Variants in GSK3B observed in about 807,000 individuals in gnomAD.
GSK3B encodes glycogen synthase kinase-3 beta.
Under a neutral mutation model 56.4 loss-of-function variants are expected in GSK3B, and 15 were observed. The observed-to-expected ratio is 0.27, with a 90% CI of 0.18 to 0.41. The LOEUF is 0.41. Among genes scored for constraint, GSK3B ranks in the 10% least tolerant of loss-of-function variants. GSK3B has a pLI of 1.00. For missense variants in GSK3B, 300 were observed against 513.4 expected (o/e 0.58, Z 4.02); for synonymous variants, 181 against 188.9 (o/e 0.96, Z 0.34).
intron 1 of GSK3B, among the ~76,000 whole-genome samples, chr3:120,050,022 C>T (rs551219507): frequency 1.3e-5 from 2 of 152,292 alleles, no homozygotes; most frequent in South Asian, 2.1e-4. Flanking sequence ...ATTTAAAGGG[C>T]ATGGCCCTGG....
chr3:119,922,032 G>C (rs1294244048), intron 4 of GSK3B, among the ~76,000 whole-genome samples: 1 of 152,058 alleles, frequency 6.6e-6, no homozygotes, highest in African/African-American at 2.4e-5. Context: ...AGCTACTTGG[G>C]AGGCTGAGGC....
intron 9 of GSK3B, among the ~76,000 whole-genome samples, chr3:119,850,470 A>C (rs1350129206): frequency 6.6e-6 from 1 of 152,206 alleles, no homozygotes; most frequent in African/African-American, 2.4e-5. Flanking sequence ...CCTGTGAGGA[A>C]GCCTCCTTGC....
At chr3:119,845,400 G>GTA (rs2108013767) in intron 9 of GSK3B, among the ~76,000 whole-genome samples, 1 of 152,340 alleles carries the variant, frequency 6.6e-6, no homozygotes, top group East Asian at 1.9e-4. Context: ...TGACATGACT[G>GTA]TATATTTAGA....
rs113971589 is a variant in GSK3B at position 119,833,684 on chromosome 3, T to C, written c.1196-6829A>G. ...ACTTTATAAGTACACTTGGAAACAT[T>C]AGGTTGTTTTTTTTTTTTTTTTTTT... On this transcript the variant is annotated intron_variant, in intron 10 of 10. Transcript: ENST00000264235. 3.8e-3 allele frequency among the ~76,000 whole-genome samples: 561 copies of C among 149,306 alleles called. 1 individual carries two copies. Among genetic ancestry groups the C allele is most frequent in the Non-Finnish European group, 5.7e-3 (383 of 67,596 alleles).
intron 4 of GSK3B, among the ~76,000 whole-genome samples, chr3:119,917,397 T>C (rs1458502606): frequency 6.6e-6 from 1 of 152,166 alleles, no homozygotes; most frequent in African/African-American, 2.4e-5. Context: ...AAGGTCAGCA[T>C]TTTGCCAACA....
At chr3:120,037,223 T>C (rs528064862) in intron 1 of GSK3B, among the ~76,000 whole-genome samples, 1 of 152,360 alleles carries the variant, frequency 6.6e-6, no homozygotes, top group African/African-American at 2.4e-5. Flanking sequence ...GGCCTTCCAG[T>C]TCTAACTTTA....
intron 4 of GSK3B, 121 bp downstream of exon 4, chr3:119,923,252 C>A: frequency 4.0e-6 from 2 of 502,018 alleles, no homozygotes; most frequent in South Asian, 3.7e-5. Context: ...CCAACAATAC[C>A]TACTTTACAG....
At chr3:119,950,642 AGG>A (rs1411465022) in intron 2 of GSK3B, among the ~76,000 whole-genome samples, 2 of 152,198 alleles carry the variant, frequency 1.3e-5, no homozygotes, top group Admixed American at 1.3e-4. Context: ...AGAGATTTCC[AGG>A]TACAGCAGAA....
intron 1 of GSK3B, among the ~76,000 whole-genome samples, chr3:120,047,066 C>G (rs1483539317): frequency 6.6e-6 from 1 of 152,154 alleles, no homozygotes; most frequent in African/African-American, 2.4e-5. Flanking sequence ...CTACATGAAC[C>G]TAAGTTTGAA....
chr3:119,857,465 T>C (rs982263618), intron 9 of GSK3B, among the ~76,000 whole-genome samples: 1 of 152,220 alleles, frequency 6.6e-6, no homozygotes, highest in African/African-American at 2.4e-5. Flanking sequence ...CCACTTTTTT[T>C]GCTCATCCAT....
At chr3:120,051,353 T>C (rs2058147532) in intron 1 of GSK3B, among the ~76,000 whole-genome samples, 1 of 152,052 alleles carries the variant, frequency 6.6e-6, no homozygotes, top group Admixed American at 6.5e-5. Context: ...GTAGGGAAGC[T>C]GTAACACTGA....
intron 10 of GSK3B, chr3:119,833,124 C>G: frequency 5.9e-6 from 1 of 170,798 alleles, no homozygotes; most frequent in Non-Finnish European, 9.6e-6. Context: ...TGCATCCCCC[C>G]ACCCCCCGCC....
In GSK3B at chr3:119,821,681, T is replaced by A. The variant is rs932445195; in HGVS notation, c.*5107A>T. The A allele has an allele frequency of 2.0e-5, 3 of 151,928 alleles. No individual in the cohort carries two copies. The East Asian group carries it at 5.8e-4, about 29-fold the overall frequency. 9.4% of individuals were successfully genotyped at this position (151,928 alleles called of 1,614,324 possible). On this transcript the variant is annotated 3_prime_UTR_variant, in exon 11 of 11. Transcript: ENST00000264235. ...TAAAAACTGTCCCTTTCAGAGTTGT[T>A]TTCTTTCTTTTCTAAGCAGTGTCTG...
intron 1 of GSK3B, among the ~76,000 whole-genome samples, chr3:120,052,856 A>G (rs1315801339): frequency 6.6e-6 from 1 of 152,228 alleles, no homozygotes; most frequent in Admixed American, 6.5e-5. Flanking sequence ...TTTTTCATGC[A>G]TTACATCATT....
chr3:119,953,896 A>G (rs1352018237), intron 2 of GSK3B, among the ~76,000 whole-genome samples: 2 of 152,004 alleles, frequency 1.3e-5, no homozygotes, highest in Admixed American at 6.6e-5. Context: ...GAAATTTACT[A>G]TATGTTCTCT....
intron 10 of GSK3B, among the ~76,000 whole-genome samples, chr3:119,839,696 C>G (rs1307126940): frequency 6.6e-6 from 1 of 152,150 alleles, no homozygotes; most frequent in Non-Finnish European, 1.5e-5. Flanking sequence ...CTACTGAAAA[C>G]AGGTTAAGTA....
intron 2 of GSK3B, among the ~76,000 whole-genome samples, chr3:119,948,485 T>C (rs1250464926): frequency 6.6e-6 from 1 of 152,220 alleles, no homozygotes; most frequent in Non-Finnish European, 1.5e-5. Context: ...TTCATTCCAT[T>C]ACTTGTTAGT....
intron 1 of GSK3B, chr3:120,084,555 C>G (rs879431643): frequency 6.6e-6 from 1 of 152,118 alleles, no homozygotes; most frequent in Non-Finnish European, 1.5e-5. Flanking sequence ...GATTTAGGAG[C>G]AGAATGAAAC....
At chr3:120,081,501 C>T (rs747743448) in intron 1 of GSK3B, among the ~76,000 whole-genome samples, 25 of 152,210 alleles carry the variant, frequency 1.6e-4, no homozygotes, top group Non-Finnish European at 3.1e-4. Flanking sequence ...GAGCCAAGAT[C>T]GCGCCACTGC....
Sources: allele counts gnomAD v4.1 joint callset (sites outside exome capture counted in the v4.1 genomes callset), GRCh38; gene constraint gnomAD v4.1.1; transcripts MANE v1.5; gene names NCBI Gene and HGNC (gene_info 2026-07-23, HGNC 2026-07-21).